CSMD1: variants seen among roughly 807,000 people sequenced by gnomAD.
CSMD1 encodes the protein CUB and Sushi multiple domains 1, also known as CUB and sushi domain-containing protein 1.
A neutral mutation model predicts 417.5 loss-of-function variants in CSMD1; 213 were observed. The ratio of observed to expected loss-of-function variants is 0.51; its 90% CI spans 0.46 to 0.57. CSMD1 has a LOEUF of 0.57. Ranked by LOEUF, CSMD1 falls within the 20% of genes least tolerant of loss-of-function variation. The pLI is 0.00. For synonymous variants in CSMD1, 2,862 were observed against 1,736.8 expected (o/e 1.65, Z -16.11); for missense variants, 6,923 against 4,529.7 (o/e 1.53, Z -15.17).
chr8:4,417,558 T>A (rs1471098658), intron 3 of CSMD1, among the ~76,000 whole-genome samples: 1 of 152,086 alleles, frequency 6.6e-6, no homozygotes, highest in Non-Finnish European at 1.5e-5. Flanking sequence ...AAGTTCATTT[T>A]ATATCTAAAT....
chr8:4,179,776 C>A (rs1189077159), intron 3 of CSMD1, among the ~76,000 whole-genome samples: 5 of 152,068 alleles, frequency 3.3e-5, no homozygotes, highest in South Asian at 2.1e-4. Flanking sequence ...ACAATATGAA[C>A]AGACACTTCT....
intron 9 of CSMD1, among the ~76,000 whole-genome samples, chr8:3,576,041 T>C (rs964495045): frequency 2.0e-5 from 3 of 152,114 alleles, no homozygotes; most frequent in South Asian, 2.1e-4. Flanking sequence ...AAATTTTTCA[T>C]AGGAAGGATT....
At chr8:3,673,528 G>A (rs1181670642) in intron 7 of CSMD1, among the ~76,000 whole-genome samples, 2 of 152,142 alleles carry the variant, frequency 1.3e-5, no homozygotes, top group African/African-American at 2.4e-5. Flanking sequence ...AGGAGAAAGT[G>A]TTTGCATCTT....
chr8:3,131,328 A>T (rs1817780387), intron 41 of CSMD1, among the ~76,000 whole-genome samples: 4 of 152,000 alleles, frequency 2.6e-5, no homozygotes. Flanking sequence ...ATGTACCCTA[A>T]AACTTAAAGT....
intron 3 of CSMD1, among the ~76,000 whole-genome samples, chr8:4,315,751 C>G (rs1798886053): frequency 6.6e-6 from 1 of 152,118 alleles, no homozygotes; most frequent in Non-Finnish European, 1.5e-5. Flanking sequence ...TGAATGAAAG[C>G]AACTAGCTGG....
intron 3 of CSMD1, among the ~76,000 whole-genome samples, chr8:4,314,973 C>G (rs1229355745): frequency 3.3e-5 from 5 of 152,130 alleles, no homozygotes; most frequent in African/African-American, 9.7e-5. Context: ...GGAGGTTTCA[C>G]CTTCCCACAT....
intron 2 of CSMD1, among the ~76,000 whole-genome samples, chr8:4,581,674 T>A (rs1226164540): frequency 1.3e-5 from 2 of 152,244 alleles, no homozygotes; most frequent in African/African-American, 4.8e-5. Flanking sequence ...AATCTGTCTA[T>A]GCTCCCAGTT....
chr8:3,330,502 A>C (rs1310068194), intron 23 of CSMD1, among the ~76,000 whole-genome samples: 1 of 152,222 alleles, frequency 6.6e-6, no homozygotes, highest in Non-Finnish European at 1.5e-5. Flanking sequence ...GAAACAGGAA[A>C]CCAAATACCG....
chr8:3,257,281 G>A (rs1411514329), intron 26 of CSMD1, among the ~76,000 whole-genome samples: 1 of 152,182 alleles, frequency 6.6e-6, no homozygotes, highest in East Asian at 1.9e-4. Flanking sequence ...CCAAAACCGT[G>A]CCACTGCACT....
intron 7 of CSMD1, among the ~76,000 whole-genome samples, chr8:3,707,916 T>C (rs985906480): frequency 4.8e-4 from 73 of 152,162 alleles, no homozygotes; most frequent in African/African-American, 1.7e-3. Flanking sequence ...CCTGGGCACG[T>C]GCAAAAGTCA....
intron 26 of CSMD1, among the ~76,000 whole-genome samples, chr8:3,259,874 A>G (rs1449573976): frequency 2.0e-5 from 3 of 151,966 alleles, no homozygotes; most frequent in Non-Finnish European, 2.9e-5. Flanking sequence ...ATAAAATATT[A>G]ATTTATGACA....
intron 7 of CSMD1, among the ~76,000 whole-genome samples, chr8:3,674,622 C>T (rs1444703485): frequency 6.6e-6 from 1 of 151,994 alleles, no homozygotes; most frequent in African/African-American, 2.4e-5. Flanking sequence ...TATTAATATC[C>T]TTATTTTACA....
Position 4,850,635 on chromosome 8 carries a change from C to T in CSMD1, c.85+143697G>A, listed in dbSNP as rs145452271. 6.0e-3 allele frequency among the ~76,000 whole-genome samples: 912 copies of T among 152,196 alleles called. 6 individuals are homozygous for T. Among genetic ancestry groups the T allele is most frequent in the Middle Eastern group, 0.031 (9 of 294 alleles). ...TAGTCTCTTTCTTTTCTCTCTATGACTCTTCCATCAGAACAAAGTCCTTGC... is the reference window on the plus strand; with the variant it reads ...TAGTCTCTTTCTTTTCTCTCTATGATTCTTCCATCAGAACAAAGTCCTTGC... On this transcript the variant is annotated intron_variant, in intron 1 of 69. Coordinates refer to ENST00000635120, the MANE Select transcript of CSMD1 (RefSeq NM_033225.6).
intron 7 of CSMD1, among the ~76,000 whole-genome samples, chr8:3,657,464 G>C (rs965996592): frequency 6.6e-6 from 1 of 152,154 alleles, no homozygotes; most frequent in African/African-American, 2.4e-5. Flanking sequence ...ATCAATGATA[G>C]ACTGGATAAA....
chr8:3,374,160 T>G (rs571099558), intron 18 of CSMD1, among the ~76,000 whole-genome samples: 7 of 147,372 alleles, frequency 4.7e-5, no homozygotes, highest in African/African-American at 1.8e-4. Context: ...CACCTTGTTG[T>G]CCCGGCTAGT....
chr8:3,592,264 T>C (rs761761100), intron 8 of CSMD1, among the ~76,000 whole-genome samples: 8 of 152,132 alleles, frequency 5.3e-5, no homozygotes, highest in Non-Finnish European at 8.8e-5. Context: ...AAGACAGATA[T>C]ATATCTTTCT....
chr8:3,680,872 G>A (rs1257559285), intron 7 of CSMD1, among the ~76,000 whole-genome samples: 1 of 152,156 alleles, frequency 6.6e-6, no homozygotes, highest in African/African-American at 2.4e-5. Flanking sequence ...TGGGATGCAA[G>A]GCTGGTTCAA....
chr8:4,727,803 T>A (rs929239469), intron 1 of CSMD1, among the ~76,000 whole-genome samples: 1 of 151,454 alleles, frequency 6.6e-6, no homozygotes, highest in Non-Finnish European at 1.5e-5. Context: ...AATATATATG[T>A]TTGGTACATG....
At chr8:4,170,982 G>A (rs772484746) in intron 3 of CSMD1, among the ~76,000 whole-genome samples, 3 of 151,904 alleles carry the variant, frequency 2.0e-5, no homozygotes, top group Admixed American at 6.5e-5. Flanking sequence ...GACGAACTGA[G>A]ACTGTAAGTT....
Sources: gnomAD v4.1 joint callset for allele counts (sites outside exome capture counted in the v4.1 genomes callset) on GRCh38, gnomAD v4.1.1 for gene constraint, MANE v1.5 for transcripts, NCBI Gene and HGNC (gene_info 2026-07-23, HGNC 2026-07-21) for gene names.